Variants in CAMK1D observed in about 807,000 individuals in gnomAD.
The protein encoded by CAMK1D is calcium/calmodulin dependent protein kinase ID, also known as calcium/calmodulin-dependent protein kinase type 1D.
CAMK1D carries 9 observed loss-of-function variants against 47.7 expected under a neutral mutation model. The observed-to-expected ratio is 0.19, with a 90% CI of 0.11 to 0.33. CAMK1D has a LOEUF of 0.33. Ranked by LOEUF, CAMK1D falls within the 10% of genes least tolerant of loss-of-function variation. The pLI is 1.00. For missense variants in CAMK1D, 291 were observed against 488.7 expected (o/e 0.60, Z 3.81); for synonymous variants, 184 against 184.9 (o/e 0.99, Z 0.04).
intron 2 of CAMK1D, among the ~76,000 whole-genome samples, chr10:12,577,467 T>C (rs1837525461): frequency 6.6e-6 from 1 of 152,210 alleles, no homozygotes; most frequent in Non-Finnish European, 1.5e-5. Context: ...TCTTCTTTAT[T>C]TAAAGAACTA....
At chr10:12,505,450 CA>C (rs1339998907) in intron 1 of CAMK1D, among the ~76,000 whole-genome samples, 1 of 152,138 alleles carries the variant, frequency 6.6e-6, no homozygotes, top group Non-Finnish European at 1.5e-5. Context: ...AAAGGAAGAT[CA>C]AAAGCCTCCT....
intron 1 of CAMK1D, among the ~76,000 whole-genome samples, chr10:12,499,952 T>C (rs529025812): frequency 1.1e-3 from 162 of 152,284 alleles, no homozygotes; most frequent in Non-Finnish European, 1.3e-3. Context: ...GCATAGTCTT[T>C]GGGTCTGTGG....
At chr10:12,754,267 A>G (rs1031762395) in intron 3 of CAMK1D, among the ~76,000 whole-genome samples, 4 of 151,984 alleles carry the variant, frequency 2.6e-5, no homozygotes, top group African/African-American at 7.3e-5. Flanking sequence ...GCCCTTTTGA[A>G]GTCTTCCAAA....
intron 3 of CAMK1D, among the ~76,000 whole-genome samples, chr10:12,693,736 G>A (rs1021209082): frequency 1.3e-5 from 2 of 150,150 alleles, no homozygotes; most frequent in South Asian, 4.2e-4. Flanking sequence ...TATCCTAGAG[G>A]TCTTGGACTT....
At position 12,624,084 on chromosome 10, in the gene CAMK1D, GCAAAA is replaced by G. The variant is rs1453714102; in HGVS notation, c.225-42641_225-42637del. 2.0e-5 allele frequency among the ~76,000 whole-genome samples: 3 copies of G among 152,052 alleles called. No homozygotes were observed. The East Asian group carries it at 5.8e-4, about 30-fold the overall frequency. Reference sequence around the variant, plus strand: ...ACAGATTGAGACTCTGTCTCAAAAAGCAAAACAAAACAAAAAACTGCAATTAAGGA... The same window carrying G: ...ACAGATTGAGACTCTGTCTCAAAAAGCAAAACAAAAAACTGCAATTAAGGA... On this transcript the variant is annotated intron_variant, in intron 2 of 10. Transcript: ENST00000619168.
intron 1 of CAMK1D, among the ~76,000 whole-genome samples, chr10:12,520,485 T>G (rs1835372805): frequency 7.0e-5 from 3 of 42,582 alleles, no homozygotes; most frequent in Non-Finnish European, 9.2e-5. Flanking sequence ...TCCCAGACGA[T>G]GGGCGGCCAG....
At chr10:12,676,806 A>G (rs927808157) in intron 3 of CAMK1D, among the ~76,000 whole-genome samples, 7 of 152,230 alleles carry the variant, frequency 4.6e-5, no homozygotes, top group Non-Finnish European at 8.8e-5. Flanking sequence ...TTCAAGAAGT[A>G]TTTAAAAAGC....
rs1832719243 is a variant in CAMK1D at position 12,814,352 on chromosome 10, C to G, written c.754+45C>G. ...CTCCCAGTGGGCGGCCCCCGCGACA[C>G]TTACACCCAGACCACGTGACCCTGA... On this transcript the variant is annotated intron_variant, in intron 7 of 10. Transcript: ENST00000619168. 3.2e-6 allele frequency: 4 copies of G among 1,260,986 alleles called. No individual in the cohort carries two copies. In the South Asian group the frequency reaches 4.8e-5, roughly 15 times the overall value. The allele number at this position is 1,260,986 out of a possible 1,614,324, so 78.1% of individuals were successfully genotyped here.
At chr10:12,356,951 T>C (rs45470292) in intron 1 of CAMK1D, among the ~76,000 whole-genome samples, 13,845 of 151,986 alleles carry the variant, frequency 0.091, 806 homozygotes, top group Middle Eastern at 0.14. Flanking sequence ...AGGGGAGGAT[T>C]TCAAGGGTTA....
chr10:12,725,633 G>A lies in CAMK1D; in HGVS notation c.300-35315G>A, dbSNP rs185296411. ...TTCTCAACAGTCTTCTCTCATTTCG[G>A]CATCTTGCAGGAAAGAGCAACATCA... On this transcript the variant is annotated intron_variant, in intron 3 of 10. Transcript: ENST00000619168. Among the ~76,000 whole-genome samples the A allele has an allele frequency of 1.7e-3, 254 of 152,254 alleles. 1 individual carries two copies. The highest frequency in any genetic ancestry group is 5.8e-3 in the African/African-American group (242 of 41,542).
At chr10:12,821,332 G>A (rs946376326) in intron 8 of CAMK1D, among the ~76,000 whole-genome samples, 10 of 152,194 alleles carry the variant, frequency 6.6e-5, no homozygotes, top group African/African-American at 1.2e-4. Context: ...TCTGGGTACC[G>A]TGGCCTAGCC....
At chr10:12,427,713 T>TTTTTTTTTTTTTTG (rs1840295564) in intron 1 of CAMK1D, among the ~76,000 whole-genome samples, 1 of 115,828 alleles carries the variant, frequency 8.6e-6, no homozygotes, top group South Asian at 3.1e-4. Flanking sequence ...TTTTTTTTTT[T>TTTTTTTTTTTTTTG]TTTTTTTTTT....
chr10:12,406,844 A>C (rs1194954789), intron 1 of CAMK1D, among the ~76,000 whole-genome samples: 1 of 148,516 alleles, frequency 6.7e-6, no homozygotes, highest in Non-Finnish European at 1.5e-5. Flanking sequence ...AGTTGTCCTT[A>C]TGTGGGCTAT....
At chr10:12,575,026 C>T (rs1388671405) in intron 2 of CAMK1D, among the ~76,000 whole-genome samples, 5 of 152,188 alleles carry the variant, frequency 3.3e-5, no homozygotes, top group Non-Finnish European at 7.4e-5. Flanking sequence ...CTGGGGACCA[C>T]AATCCAACAT....
At chr10:12,399,007 T>C (rs1290182443) in intron 1 of CAMK1D, among the ~76,000 whole-genome samples, 1 of 152,230 alleles carries the variant, frequency 6.6e-6, no homozygotes, top group Non-Finnish European at 1.5e-5. Context: ...TTATTTATTC[T>C]GCCTGCATCA....
intron 2 of CAMK1D, among the ~76,000 whole-genome samples, chr10:12,626,561 C>T (rs1360032059): frequency 6.6e-6 from 1 of 150,574 alleles, no homozygotes. Context: ...GTAATCTCTG[C>T]CTTTCAGGTT....
chr10:12,686,353 C>T (rs1441777025), intron 3 of CAMK1D, among the ~76,000 whole-genome samples: 2 of 152,232 alleles, frequency 1.3e-5, no homozygotes, highest in East Asian at 3.9e-4. Flanking sequence ...TGGAGTTTCG[C>T]TCCTGTTGCC....
At chr10:12,506,867 A>G (rs1834892366) in intron 1 of CAMK1D, among the ~76,000 whole-genome samples, 1 of 152,170 alleles carries the variant, frequency 6.6e-6, no homozygotes, top group Non-Finnish European at 1.5e-5. Flanking sequence ...GCCCGAGGGT[A>G]GGACCTGCCA....
intron 1 of CAMK1D, among the ~76,000 whole-genome samples, chr10:12,525,738 A>G (rs762956832): frequency 9.2e-5 from 14 of 152,074 alleles, no homozygotes; most frequent in Non-Finnish European, 1.3e-4. Context: ...TATGATGAAT[A>G]ATTTTGGATT....
Sources: gnomAD v4.1 joint callset for allele counts (sites outside exome capture counted in the v4.1 genomes callset) on GRCh38, gnomAD v4.1.1 for gene constraint, MANE v1.5 for transcripts, NCBI Gene and HGNC (gene_info 2026-07-23, HGNC 2026-07-21) for gene names.